Variants in RABGAP1L observed in about 807,000 individuals in gnomAD.
RABGAP1L encodes the protein RAB GTPase activating protein 1 like, also known as rab GTPase-activating protein 1-like.
RABGAP1L carries 63 observed loss-of-function variants against 137.7 expected under a neutral mutation model. That is an observed-to-expected ratio of 0.46 (90% CI 0.37 to 0.56). The LOEUF (loss-of-function observed/expected upper bound fraction) is 0.56. Among genes scored for constraint, RABGAP1L ranks in the 20% least tolerant of loss-of-function variants. RABGAP1L has a pLI of 0.00. For missense variants in RABGAP1L, 1,095 were observed against 1,244.0 expected, an observed-to-expected ratio of 0.88 and a Z score of 1.80; for synonymous variants, 431 against 433.7, an observed-to-expected ratio of 0.99 and a Z score of 0.08.
chr1:174,614,785 T>G (rs942103640), intron 13 of RABGAP1L, among the ~76,000 whole-genome samples: 1 of 152,184 alleles, frequency 6.6e-6, no homozygotes, highest in African/African-American at 2.4e-5. Context: ...TTCTTTTTAT[T>G]CTTTTTTCTC....
chr1:174,680,898 A>C (rs979055923), intron 14 of RABGAP1L, among the ~76,000 whole-genome samples: 2 of 152,186 alleles, frequency 1.3e-5, no homozygotes, highest in Non-Finnish European at 2.9e-5. Context: ...AAAAAAAACA[A>C]AAAACAAAAA....
chr1:174,859,613 A>G (rs181216708), intron 19 of RABGAP1L, among the ~76,000 whole-genome samples: 7 of 152,264 alleles, frequency 4.6e-5, no homozygotes, highest in Admixed American at 4.6e-4. Flanking sequence ...AACACCGAAT[A>G]CTGTGTGTTC....
intron 19 of RABGAP1L, chr1:174,877,549 C>T: frequency 6.2e-7 from 1 of 1,614,014 alleles, no homozygotes; most frequent in Non-Finnish European, 8.5e-7. Flanking sequence ...TTTCAGCCAG[C>T]TGCACGATGA....
At chr1:174,373,848 C>G (rs1283123404) in intron 12 of RABGAP1L, among the ~76,000 whole-genome samples, 5 of 152,154 alleles carry the variant, frequency 3.3e-5, no homozygotes, top group African/African-American at 9.7e-5. Flanking sequence ...TCAGCCCTTA[C>G]ATCTTTGAGC....
chr1:174,218,330 GT>G, intron 1 of RABGAP1L, among the ~76,000 whole-genome samples: 1 of 152,202 alleles, frequency 6.6e-6, no homozygotes, highest in South Asian at 2.1e-4. Context: ...CAGGCTACTT[GT>G]TTTCCTTATT....
Position 174,632,511 on chromosome 1 carries a change from G to A in RABGAP1L, c.1711-4864G>A, listed in dbSNP as rs1027121798. Among the ~76,000 whole-genome samples the A allele has an allele frequency of 1.4e-4, 21 of 150,368 alleles. No homozygotes were observed. The East Asian group carries it at 2.3e-3, about 17-fold the overall frequency. ...GTTTTCCAACTTGGTTCCATTCTCT[G>A]CATCACTTTGAGGTACACCAATCAG... is the stretch of plus-strand genomic sequence containing the variant. On this transcript the variant is annotated intron_variant, in intron 13 of 25. Transcript: ENST00000681986.
chr1:174,366,362 T>C (rs1481862463), intron 11 of RABGAP1L, among the ~76,000 whole-genome samples: 3 of 152,224 alleles, frequency 2.0e-5, no homozygotes, highest in Admixed American at 6.5e-5. Context: ...GATTTTTACA[T>C]TGGACCTTCT....
intron 19 of RABGAP1L, among the ~76,000 whole-genome samples, chr1:174,839,305 A>G (rs1188897284): frequency 6.6e-6 from 1 of 152,144 alleles, no homozygotes; most frequent in Non-Finnish European, 1.5e-5. Context: ...GTGAAACCTT[A>G]CAATAGCTGT....
At chr1:174,596,510 T>A (rs904268727) in intron 13 of RABGAP1L, among the ~76,000 whole-genome samples, 1 of 152,256 alleles carries the variant, frequency 6.6e-6, no homozygotes, top group Non-Finnish European at 1.5e-5. Flanking sequence ...AATTTCTTTT[T>A]CAGATTGTTC....
intron 19 of RABGAP1L, among the ~76,000 whole-genome samples, chr1:174,866,110 GGAGAGAGAGAGAGAGAGA>G (rs34712612): frequency 0.014 from 948 of 65,822 alleles, 17 homozygotes; most frequent in African/African-American, 0.029. Flanking sequence ...GGAGGGAGGG[GGAGAGAGAGAGAGAGAGA>G]GAGAGAGAGA....
intron 5 of RABGAP1L, chr1:174,245,711 C>CT (rs1672199648): frequency 1.3e-5 from 2 of 152,048 alleles, no homozygotes; most frequent in Non-Finnish European, 2.9e-5. Flanking sequence ...TCTCGGCTCA[C>CT]TATGATCTCC....
intron 14 of RABGAP1L, among the ~76,000 whole-genome samples, chr1:174,673,618 T>A (rs1466268177): frequency 1.4e-4 from 21 of 152,124 alleles, no homozygotes. Flanking sequence ...AAAAATAAGG[T>A]CACAATTTTT....
intron 18 of RABGAP1L, among the ~76,000 whole-genome samples, chr1:174,798,081 C>G (rs1416711172): frequency 6.6e-6 from 1 of 151,906 alleles, no homozygotes; most frequent in African/African-American, 2.4e-5. Flanking sequence ...TCTGGAGTAG[C>G]TGGGAATACA....
At position 174,441,169 on chromosome 1, in the gene RABGAP1L, A is replaced by G. The variant is rs78766652; in HGVS notation, c.1710+47024A>G. Among the ~76,000 whole-genome samples the G allele has an allele frequency of 2.1e-4, 32 of 151,950 alleles. No homozygotes were observed. In the East Asian group the frequency reaches 6.0e-3, roughly 28 times the overall value. On this transcript the variant is annotated intron_variant, in intron 13 of 25. Coordinates refer to ENST00000681986, the MANE Select transcript of RABGAP1L (RefSeq NM_001366446.1). ...TGGGCTGTTTCAAGTAATTCCATAT[A>G]ATGATTCCTCCTAGATATTTTCTGA... is the stretch of plus-strand genomic sequence containing the variant.
At chr1:174,953,035 C>CAAAAAAAAAAAA (rs34788853) in intron 19 of RABGAP1L, among the ~76,000 whole-genome samples, 1 of 97,362 alleles carries the variant, frequency 1.0e-5, no homozygotes, top group African/African-American at 3.7e-5. Flanking sequence ...GGGTGGCATG[C>CAAAAAAAAAAAA]AAAAAAAAAA....
intron 14 of RABGAP1L, among the ~76,000 whole-genome samples, chr1:174,640,989 TTAGA>T (rs1159814631): frequency 6.9e-6 from 1 of 145,254 alleles, no homozygotes; most frequent in African/African-American, 2.5e-5. Flanking sequence ...AAATATAATT[TTAGA>T]TTATATTAAT....
At chr1:174,310,437 T>A (rs943207996) in intron 11 of RABGAP1L, among the ~76,000 whole-genome samples, 12 of 152,184 alleles carry the variant, frequency 7.9e-5, no homozygotes, top group African/African-American at 2.9e-4. Context: ...AGTTGTTAGA[T>A]GGAATGTCTT....
intron 19 of RABGAP1L, among the ~76,000 whole-genome samples, chr1:174,944,004 C>T (rs1459262175): frequency 1.3e-5 from 2 of 152,124 alleles, no homozygotes; most frequent in African/African-American, 4.8e-5. Context: ...GATGCAATGG[C>T]TCACGCCTAT....
intron 18 of RABGAP1L, among the ~76,000 whole-genome samples, chr1:174,802,753 A>G (rs1688868458): frequency 6.6e-6 from 1 of 152,256 alleles, no homozygotes; most frequent in Non-Finnish European, 1.5e-5. Context: ...TTAATTAGCA[A>G]TATGGCTGTT....
Sources: allele counts gnomAD v4.1 joint callset (sites outside exome capture counted in the v4.1 genomes callset), GRCh38; gene constraint gnomAD v4.1.1; transcripts MANE v1.5; gene names NCBI Gene and HGNC (gene_info 2026-07-23, HGNC 2026-07-21).